The following HSD17B4 variants were observed in gnomAD, a reference collection of about 807,000 sequenced individuals.
HSD17B4 encodes the protein hydroxysteroid 17-beta dehydrogenase 4, also known as peroxisomal multifunctional enzyme type 2.
A neutral mutation model predicts 101.0 loss-of-function variants in HSD17B4; 70 were observed. The ratio of observed to expected loss-of-function variants is 0.69; its 90% CI spans 0.57 to 0.85. The LOEUF (loss-of-function observed/expected upper bound fraction) is 0.85. Among genes scored for constraint, HSD17B4 ranks in the 40% least tolerant of loss-of-function variants. The pLI, the probability that HSD17B4 is intolerant of heterozygous loss-of-function variation, is 0.00. For missense variants in HSD17B4, 984 were observed against 892.4 expected (o/e 1.10, Z -1.31); for synonymous variants, 347 against 297.1 (o/e 1.17, Z -1.73).
At chr5:119,507,006 A>T in intron 15 of HSD17B4, 117 bp downstream of exon 15, 1 of 587,584 alleles carries the variant, frequency 1.7e-6, no homozygotes, top group Non-Finnish European at 3.1e-6. Context: ...AATTTGTTAG[A>T]AAACAAGATA....
At position 119,505,452 on chromosome 5, in the gene HSD17B4, C is replaced by A. The variant is rs563913436; in HGVS notation, c.1262-1366C>A. Among the ~76,000 whole-genome samples, 3 of 152,160 alleles carry A rather than the reference C, an allele frequency of 2.0e-5. No homozygotes were observed. In the South Asian group the frequency reaches 6.2e-4, roughly 32 times the overall value. ...TGTTTTATAGTTCTCCTTGTAGAGA[C>A]CTTACACCACCTTGATTAGATGTAT... On this transcript the variant is annotated intron_variant, in intron 14 of 23. Transcript: ENST00000510025.
intron 8 of HSD17B4, among the ~76,000 whole-genome samples, chr5:119,488,765 C>G (rs1470932867): frequency 6.6e-6 from 1 of 152,132 alleles, no homozygotes; most frequent in African/African-American, 2.4e-5. Context: ...ATTCAGCACT[C>G]TCAATCATTA....
At chr5:119,471,683 G>C (rs998169535) in intron 2 of HSD17B4, 32 of 1,472,312 alleles carry the variant, frequency 2.2e-5, no homozygotes, top group Non-Finnish European at 2.9e-5. Context: ...ATTTCACAAT[G>C]CAGATTCTTT....
chr5:119,507,897 G>T (rs1181617388), intron 15 of HSD17B4, among the ~76,000 whole-genome samples: 2 of 151,868 alleles, frequency 1.3e-5, no homozygotes, highest in East Asian at 3.8e-4. Context: ...GATATTTGTT[G>T]TCAGTGATTT....
chr5:119,537,956 G>C (rs1342716825), intron 23 of HSD17B4, among the ~76,000 whole-genome samples: 2 of 152,028 alleles, frequency 1.3e-5, no homozygotes, highest in Non-Finnish European at 2.9e-5. Flanking sequence ...ACAGAGATTT[G>C]AACAGAGTAT....
chr5:119,541,805 A>G (rs2126934045), intron 23 of HSD17B4, 100 bp from the exon 24 acceptor site: 4 of 737,366 alleles, frequency 5.4e-6, no homozygotes, highest in South Asian at 1.7e-5. Flanking sequence ...CAGAATTATT[A>G]GCTCAATTGT....
chr5:119,526,329 CT>C (rs1000806901), intron 19 of HSD17B4, among the ~76,000 whole-genome samples: 1 of 150,650 alleles, frequency 6.6e-6, no homozygotes, highest in Non-Finnish European at 1.5e-5. Flanking sequence ...TCAAGATTTG[CT>C]TTTTTTAACT....
intron 12 of HSD17B4, among the ~76,000 whole-genome samples, chr5:119,497,410 C>T (rs1580617690): frequency 6.6e-6 from 1 of 152,268 alleles, no homozygotes; most frequent in Non-Finnish European, 1.5e-5. Flanking sequence ...CCTGGACTGT[C>T]TGTCTTCCAT....
intron 11 of HSD17B4, among the ~76,000 whole-genome samples, chr5:119,494,259 C>A: frequency 6.6e-6 from 1 of 152,072 alleles, no homozygotes; most frequent in Non-Finnish European, 1.5e-5. Flanking sequence ...GTTTCAAAGT[C>A]TTCCATTACC....
chr5:119,510,376 A>G (rs568350734), intron 16 of HSD17B4, among the ~76,000 whole-genome samples: 1 of 152,332 alleles, frequency 6.6e-6, no homozygotes, highest in Non-Finnish European at 1.5e-5. Flanking sequence ...TTTTGTTCTC[A>G]AATTCTAGAA....
chr5:119,475,354 A>G (rs1276587749), intron 4 of HSD17B4, among the ~76,000 whole-genome samples: 2 of 152,152 alleles, frequency 1.3e-5, no homozygotes, highest in East Asian at 1.9e-4. Context: ...TTAACTTGCT[A>G]AGTGAATTTT....
chr5:119,508,899 C>G (rs1425897209), intron 15 of HSD17B4, among the ~76,000 whole-genome samples: 4 of 152,212 alleles, frequency 2.6e-5, no homozygotes, highest in Non-Finnish European at 5.9e-5. Context: ...GAAAGAACTG[C>G]TATTTCATAG....
intron 9 of HSD17B4, among the ~76,000 whole-genome samples, chr5:119,490,786 T>A (rs1365609286): frequency 2.0e-5 from 3 of 152,180 alleles, no homozygotes; most frequent in Non-Finnish European, 2.9e-5. Flanking sequence ...CAGGCTGGTC[T>A]GGAACTCCTG....
At chr5:119,452,839 C>G (rs1238069214) in intron 1 of HSD17B4, 3 of 1,535,786 alleles carry the variant, frequency 2.0e-6, no homozygotes, top group Non-Finnish European at 2.6e-6. Context: ...CCGCTTCTCC[C>G]CAGCACCCCG....
chr5:119,488,921 C>T (rs1315402906), intron 8 of HSD17B4, among the ~76,000 whole-genome samples: 1 of 152,118 alleles, frequency 6.6e-6, no homozygotes, highest in East Asian at 1.9e-4. Flanking sequence ...CTAGGCAGTT[C>T]TAACTTTTCT....
chr5:119,492,842 G>T (rs1750238083), intron 10 of HSD17B4: 1 of 152,022 alleles, frequency 6.6e-6, no homozygotes, highest in African/African-American at 2.4e-5. Context: ...TAAAAAAATT[G>T]TGAAAATTTC....
In HSD17B4 at chr5:119,486,070, C is replaced by T. The variant is rs546018786; in HGVS notation, c.623-3122C>T. Among the ~76,000 whole-genome samples the T allele has an allele frequency of 3.3e-5, 5 of 152,302 alleles. No homozygotes were observed. In the South Asian group the frequency reaches 6.2e-4, roughly 19 times the overall value. On this transcript the variant is annotated intron_variant, in intron 8 of 23. Transcript: ENST00000510025. ...GCCAAGAGGCCTCCGTTCCTTCCTA[C>T]CTGTTGTCAGGAGGCCTCAGTTTCT...
At chr5:119,536,599 T>C (rs1754563444) in intron 23 of HSD17B4, 49 bp downstream of exon 23, 1 of 1,589,048 alleles carries the variant, frequency 6.3e-7, no homozygotes, top group South Asian at 1.1e-5. Flanking sequence ...GTTTCCTCTT[T>C]TGACAATTGC....
chr5:119,485,469 A>T (rs1749534797), intron 8 of HSD17B4, among the ~76,000 whole-genome samples: 2 of 152,140 alleles, frequency 1.3e-5, no homozygotes, highest in African/African-American at 4.8e-5. Context: ...AAAGTTATAG[A>T]TCATTTTTAA....
Sources: gnomAD v4.1 joint callset for allele counts (sites outside exome capture counted in the v4.1 genomes callset) on GRCh38, gnomAD v4.1.1 for gene constraint, MANE v1.5 for transcripts, NCBI Gene and HGNC (gene_info 2026-07-23, HGNC 2026-07-21) for gene names.